Variants in PER2 observed in about 807,000 individuals in gnomAD.
PER2 encodes the protein period circadian regulator 2.
PER2 carries 66 observed loss-of-function variants against 121.0 expected under a neutral mutation model. The ratio of observed to expected loss-of-function variants is 0.55; its 90% CI spans 0.45 to 0.67. The LOEUF is 0.67. Among genes scored for constraint, PER2 ranks in the 30% least tolerant of loss-of-function variants. The pLI, the probability that PER2 is intolerant of heterozygous loss-of-function variation, is 0.00. For missense variants in PER2, 1,521 were observed against 1,635.0 expected (o/e 0.93, Z 1.20); for synonymous variants, 684 against 659.9 (o/e 1.04, Z -0.56).
chr2:238,270,242 T>C (rs577873707), intron 6 of PER2, among the ~76,000 whole-genome samples: 1 of 152,328 alleles, frequency 6.6e-6, no homozygotes, highest in South Asian at 2.1e-4. Context: ...CAGAAACAAC[T>C]TGGCATTCAA....
chr2:238,248,010 A>C (rs1054612432), intron 22 of PER2, among the ~76,000 whole-genome samples: 16 of 152,198 alleles, frequency 1.1e-4, no homozygotes, highest in African/African-American at 3.6e-4. Flanking sequence ...AAACCCAGAC[A>C]ATCTGCCAAC....
At chr2:238,298,097 T>G in the PER2 span, among the ~76,000 whole-genome samples, 1 of 149,584 alleles carries the variant, frequency 6.7e-6, no homozygotes, top group South Asian at 2.1e-4. Context: ...TGCAGTGGCA[T>G]GATCTCGGCT....
intron 10 of PER2, 143 bp downstream of exon 10, chr2:238,262,809 G>A: frequency 1.4e-6 from 1 of 693,776 alleles, no homozygotes; most frequent in East Asian, 2.7e-5. Context: ...GTGCCAGGAG[G>A]GAGGCGGCGA....
Position 238,263,012 on chromosome 2 carries a change from G to A in PER2, c.1093C>T (p.Pro365Ser). 6.2e-7 allele frequency: 1 copy of A among 1,614,076 alleles called. No homozygotes were observed. The change falls in exon 10 of 23, where the codon CCA (proline) becomes TCA (serine). Residue 365 changes from proline to serine, a missense_variant. Coordinates refer to ENST00000254657, the MANE Select transcript of PER2 (RefSeq NM_022817.3). ...GYLPQDLIET[P>S]VLVQLHPSDR... ...CTAGGGTGGAGCTGCACGAGCACTG[G>A]GGTTTCAATCAGGTCCTGAGGTAGG...
At position 238,277,921 on chromosome 2, in the gene PER2, C is replaced by T; in HGVS notation, c.16G>A (p.Glu6Lys). The change falls in exon 2 of 23, where the codon GAA becomes AAA. Residue 6 changes from glutamate to lysine, a missense_variant. Glu to Lys is a moderately conservative substitution (Grantham distance 56, BLOSUM62 1). Coordinates refer to ENST00000254657, the MANE Select transcript of PER2 (RefSeq NM_022817.3). ...GGGTTACTGGGGCTGGGCGGAAATT[C>T]CGCGTATCCATTCATGCTGGGCTCT... is the stretch of plus-strand genomic sequence containing the variant. MNGYA[E>K]FPPSPSNPTK... 6.2e-7 allele frequency: 1 copy of T among 1,613,780 alleles called. No individual in the cohort carries two copies.
intron 18 of PER2, chr2:238,254,725 G>C (rs1695711298): frequency 1.3e-5 from 2 of 152,346 alleles, no homozygotes; most frequent in African/African-American, 4.8e-5. Flanking sequence ...GGTCCCATGG[G>C]GTGGGTCTGC....
intron 19 of PER2, 46 bp from the exon 20 acceptor site, chr2:238,251,807 G>T: frequency 1.4e-6 from 1 of 716,190 alleles, no homozygotes; most frequent in Non-Finnish European, 2.3e-6. Flanking sequence ...GCTCAGTCAG[G>T]ACACAGCATA....
chr2:238,285,588 G>A (rs998415386), intron 1 of PER2, among the ~76,000 whole-genome samples: 8 of 152,166 alleles, frequency 5.3e-5, no homozygotes, highest in African/African-American at 1.9e-4. Flanking sequence ...GTGGAAATCA[G>A]AAATCAGTGT....
chr2:238,293,066 AG>A (rs779371806), upstream of PER2, among the ~76,000 whole-genome samples: 20 of 150,578 alleles, frequency 1.3e-4, no homozygotes, highest in Middle Eastern at 3.4e-3. Flanking sequence ...CATCATACAT[AG>A]GTGCAGTGGG....
At position 238,255,657 on chromosome 2, in the gene PER2, T is replaced by A; in HGVS notation, c.2320A>T (p.Thr774Ser). Residue 774 changes from threonine (T) to serine (S), a missense_variant and splice_region_variant, in exon 18 of 23, where the codon ACT becomes TCT. Thr to Ser is a moderately conservative substitution (Grantham distance 58). Coordinates refer to ENST00000254657, the MANE Select transcript of PER2 (RefSeq NM_022817.3). ...CACTTTTAATTCGGGTATCACTTACTTCGTTCACTTGGCTGCCCCTTGGAT... is the reference window on the plus strand; with the variant it reads ...CACTTTTAATTCGGGTATCACTTACATCGTTCACTTGGCTGCCCCTTGGAT... ...ERSKGQPSER[T>S]APGLRNTSGI... The A allele has an allele frequency of 1.2e-6, 2 of 1,614,236 alleles. No individual in the cohort carries two copies. Among genetic ancestry groups the A allele is most frequent in the Non-Finnish European group, 1.7e-6 (2 of 1,179,992 alleles).
chr2:238,259,170 C>T (rs1021897145), intron 14 of PER2, among the ~76,000 whole-genome samples: 2 of 152,234 alleles, frequency 1.3e-5, no homozygotes, highest in African/African-American at 4.8e-5. Flanking sequence ...CCCCAACACC[C>T]AGCACAGAGT....
upstream of PER2, among the ~76,000 whole-genome samples, chr2:238,291,895 TAAAG>T (rs1463699894): frequency 1.3e-5 from 2 of 152,196 alleles, no homozygotes; most frequent in African/African-American, 4.8e-5. Flanking sequence ...CGGACCGGTA[TAAAG>T]AAAGTATCTT....
chr2:238,286,522 G>T (rs1488993753), intron 1 of PER2, among the ~76,000 whole-genome samples: 2 of 152,184 alleles, frequency 1.3e-5, no homozygotes, highest in Non-Finnish European at 2.9e-5. Flanking sequence ...TGCGTGGGCT[G>T]GGGGAGGGGT....
rs776161104 is a variant in PER2, at chr2:238,260,897, G to A, written c.1473C>T (p.His491=). The A allele has an allele frequency of 5.0e-6, 8 of 1,613,664 alleles. No individual in the cohort carries two copies. Among genetic ancestry groups the A allele is most frequent in the Middle Eastern group, 1.6e-4 (1 of 6,084 alleles). Reference sequence around the variant, plus strand: ...AGGAGGTCTGGCTCATAAGGTGCTCGTGGGACCCGTTGCTGCCCAGACTCC... The same window carrying A: ...AGGAGGTCTGGCTCATAAGGTGCTCATGGGACCCGTTGCTGCCCAGACTCC... ...GYGSLGSNGS[H]EHLMSQTSSS... Residue 491 remains histidine (H), a synonymous_variant, in exon 13 of 23, where the codon CAC becomes CAT. Coordinates refer to ENST00000254657, the MANE Select transcript of PER2 (RefSeq NM_022817.3).
intron 10 of PER2, 27 bp downstream of exon 10, chr2:238,262,925 A>C: frequency 6.8e-7 from 1 of 1,467,998 alleles, no homozygotes; most frequent in Non-Finnish European, 9.5e-7. Context: ...CAAACACTTC[A>C]GGATGTACCA....
intron 12 of PER2, among the ~76,000 whole-genome samples, chr2:238,261,233 G>A (rs948526968): frequency 2.0e-5 from 3 of 152,334 alleles, no homozygotes; most frequent in African/African-American, 7.2e-5. Flanking sequence ...AGCCAGCCAC[G>A]CCTCTGTGGA....
At position 238,258,562 on chromosome 2, in the gene PER2, C is replaced by A. The variant is rs756673002; in HGVS notation, c.1710G>T (p.Glu570Asp). 3 of 1,614,196 alleles carry A rather than the reference C, an allele frequency of 1.9e-6. No homozygotes were observed. The highest frequency in any genetic ancestry group is 2.5e-6 in the Non-Finnish European group (3 of 1,180,018). Residue 570 changes from glutamate (E) to aspartate (D), a missense_variant, in exon 15 of 23, where the codon GAG becomes GAT. Coordinates refer to ENST00000254657, the MANE Select transcript of PER2 (RefSeq NM_022817.3). The stretch of plus-strand genomic sequence containing the variant: ...AGGTGGGCTGGTTCTTGCAGGCCAA[C>A]TCCTCGGGGAAGCTGACCCCCAGGC... ...KDSLGVSFPE[E>D]LACKNQPTCS...
chr2:238,262,868 G>A, intron 10 of PER2, 84 bp downstream of exon 10: 2 of 914,148 alleles, frequency 2.2e-6, no homozygotes, highest in Non-Finnish European at 3.6e-6. Context: ...ACCTGTCAGA[G>A]CTAGACTGGT....
At chr2:238,285,744 G>C (rs1043059238) in intron 1 of PER2, among the ~76,000 whole-genome samples, 2 of 121,538 alleles carry the variant, frequency 1.6e-5, no homozygotes, top group Admixed American at 9.4e-5. Flanking sequence ...TCTACCCCGC[G>C]GGGACTCACT....
Sources: gnomAD v4.1 joint callset for allele counts (sites outside exome capture counted in the v4.1 genomes callset) on GRCh38, gnomAD v4.1.1 for gene constraint, MANE v1.5 for transcripts, NCBI Gene and HGNC (gene_info 2026-07-23, HGNC 2026-07-21) for gene names.